WDR11: variants seen among roughly 807,000 people sequenced by gnomAD.
WDR11 encodes the protein WD repeat-containing protein 11.
In WDR11, 83 loss-of-function variants were observed where a neutral mutation model predicts 151.2. That is an observed-to-expected ratio of 0.55 (90% CI 0.46 to 0.66). The LOEUF (loss-of-function observed/expected upper bound fraction) is 0.66, where lower values mean the gene tolerates loss of function less well. Ranked by LOEUF, WDR11 falls within the 30% of genes least tolerant of loss-of-function variation. The pLI is 0.00. For missense variants in WDR11, 1,301 were observed against 1,480.9 expected (o/e 0.88, Z 1.99); for synonymous variants, 484 against 533.1 (o/e 0.91, Z 1.27).
Position 120,908,669 on chromosome 10 carries a change from T to C in WDR11, c.3631T>C (p.Leu1211=), listed in dbSNP as rs34567350. ...SKAGAAGKDL[L]NELESPKEEP... is the part of the protein sequence containing the mutation. Reference sequence around the variant, plus strand: ...AGCCGGAGCAGCTGGCAAAGACTTATTGAATGAGCTTGAGTCCCCCAAGGA... The same window carrying C: ...AGCCGGAGCAGCTGGCAAAGACTTACTGAATGAGCTTGAGTCCCCCAAGGA... The change falls in exon 29 of 29, where the codon TTG becomes CTG. Residue 1211 remains leucine (L), a synonymous_variant. Transcript: ENST00000263461. The C allele has an allele frequency of 2.6e-3, 4,117 of 1,614,194 alleles. 69 individuals carry two copies. In the African/African-American group the frequency reaches 0.04, roughly 16 times the overall value.
At chr10:120,897,182 A>G (rs906985360) in intron 19 of WDR11, among the ~76,000 whole-genome samples, 5 of 152,170 alleles carry the variant, frequency 3.3e-5, no homozygotes, top group Admixed American at 6.5e-5. Context: ...CCCTCACTCC[A>G]TAGTAATAGT....
intron 10 of WDR11, among the ~76,000 whole-genome samples, chr10:120,871,657 T>G (rs970049746): frequency 3.9e-5 from 6 of 152,198 alleles, no homozygotes; most frequent in Non-Finnish European, 7.3e-5. Context: ...CCAGGCTCCT[T>G]GTCTGTAATT....
intron 1 of WDR11, chr10:120,852,304 A>G: frequency 3.9e-6 from 2 of 515,138 alleles, no homozygotes; most frequent in Non-Finnish European, 7.0e-6. Context: ...TATCTTTTAG[A>G]ACTTTTTTTA....
intron 2 of WDR11, 95 bp downstream of exon 2, chr10:120,852,730 T>A: frequency 9.6e-7 from 1 of 1,044,652 alleles, no homozygotes; most frequent in South Asian, 1.4e-5. Context: ...CGTGTAAGTG[T>A]TGAATAGCTT....
intron 19 of WDR11, among the ~76,000 whole-genome samples, chr10:120,893,744 G>T (rs888063060): frequency 2.6e-5 from 4 of 151,924 alleles, no homozygotes; most frequent in Admixed American, 6.6e-5. Flanking sequence ...GTGGTTTTGA[G>T]TTGCATTTCT....
At position 120,897,451 on chromosome 10, in the gene WDR11, C is replaced by T. The variant is rs111327135; in HGVS notation, c.2516-2578C>T. Among the ~76,000 whole-genome samples the T allele has an allele frequency of 4.8e-3, 735 of 152,122 alleles. 8 individuals carry two copies. Among genetic ancestry groups the T allele is most frequent in the African/African-American group, 0.017 (695 of 41,486 alleles). ...ATTAATTATACAGTGGAGAAGGTGC[C>T]CTGATAAGAGCTCTGGTGAATACCC... On this transcript the variant is annotated intron_variant, in intron 19 of 28. Transcript: ENST00000263461.
intron 23 of WDR11, 26 bp downstream of exon 23, chr10:120,903,258 T>G: frequency 4.3e-6 from 7 of 1,612,776 alleles, no homozygotes; most frequent in Non-Finnish European, 5.9e-6. Flanking sequence ...CAGCAAAACC[T>G]TTAGAGCTGT....
intron 19 of WDR11, among the ~76,000 whole-genome samples, chr10:120,895,776 A>G (rs1284187118): frequency 6.6e-6 from 1 of 152,206 alleles, no homozygotes; most frequent in Non-Finnish European, 1.5e-5. Context: ...TAAAAAGAGA[A>G]AAATACAAAT....
At chr10:120,889,522 G>A (rs1847346557) in intron 17 of WDR11, 1 of 394,670 alleles carries the variant, frequency 2.5e-6, no homozygotes, top group East Asian at 5.8e-5. Flanking sequence ...TTACAGGCAG[G>A]AGCCAGCACA....
chr10:120,859,590 A>G (rs1447011512), intron 3 of WDR11, among the ~76,000 whole-genome samples: 1 of 152,062 alleles, frequency 6.6e-6, no homozygotes, highest in Non-Finnish European at 1.5e-5. Flanking sequence ...TTTAGACTTA[A>G]GTCCTCCAGT....
intron 27 of WDR11, chr10:120,906,565 T>A (rs1848055710): frequency 7.1e-7 from 1 of 1,417,384 alleles, no homozygotes; most frequent in African/African-American, 1.4e-5. Flanking sequence ...CACAATTTTT[T>A]AAAGTATTAA....
chr10:120,866,050 G>T (rs111262791), intron 7 of WDR11, among the ~76,000 whole-genome samples: 4,010 of 150,400 alleles, frequency 0.027, 66 homozygotes, highest in Middle Eastern at 0.048. Flanking sequence ...AACCTTGTGT[G>T]CCTTTATTAT....
In WDR11 at chr10:120,906,768, T is replaced by C. The variant is rs376500554; in HGVS notation, c.3438-8T>C. 3.1e-6 allele frequency: 5 copies of C among 1,614,070 alleles called. No homozygotes were observed. In the African/African-American group the frequency reaches 5.3e-5, roughly 17 times the overall value. On this transcript the variant is annotated splice_polypyrimidine_tract_variant and splice_region_variant and intron_variant, in intron 27 of 28. Transcript: ENST00000263461. ...AAAGCATAACTCTTGTTTTGTTCTG[T>C]TGAGCAGCATGAGATACTTTGATAG...
At chr10:120,854,438 T>A (rs796387000) in intron 2 of WDR11, among the ~76,000 whole-genome samples, 13 of 152,342 alleles carry the variant, frequency 8.5e-5, no homozygotes, top group African/African-American at 3.1e-4. Context: ...ATTTTGTACT[T>A]TTTGCCTGTT....
Position 120,862,814 on chromosome 10 carries a change from C to A in WDR11, c.606C>A (p.Tyr202Ter). The change falls in exon 5 of 29, where the codon TAC (tyrosine) becomes TAA (stop). Residue 202 changes from tyrosine to a stop codon, truncating the protein, a stop_gained. Coordinates refer to ENST00000263461, the MANE Select transcript of WDR11 (RefSeq NM_018117.12). LOFTEE classifies it high-confidence loss of function. ...KPPSGPGKKV[Y>*]ISSPHSSPAH... ...CCTCAGGCCCTGGGAAAAAAGTTTA[C>A]ATATCCAGCCCACACTCTAGCCCAG... 6.2e-7 allele frequency: 1 copy of A among 1,614,132 alleles called. No individual in the cohort carries two copies. Among genetic ancestry groups the A allele is most frequent in the South Asian group, 1.1e-5 (1 of 91,076 alleles).
intron 13 of WDR11, among the ~76,000 whole-genome samples, chr10:120,881,130 T>C (rs537593138): frequency 6.6e-6 from 1 of 152,216 alleles, no homozygotes; most frequent in African/African-American, 2.4e-5. Context: ...TGAATCGTTA[T>C]TTACTTTCGG....
chr10:120,865,911 T>C (rs1229152724), intron 7 of WDR11, among the ~76,000 whole-genome samples, 167 bp downstream of exon 7: 1 of 152,170 alleles, frequency 6.6e-6, no homozygotes, highest in Non-Finnish European at 1.5e-5. Context: ...CCAAGATTAA[T>C]CTCTTGATGT....
At position 120,908,909 on chromosome 10, in the gene WDR11, T is replaced by C. The variant is rs995619712; in HGVS notation, c.*196T>C. Reference sequence around the variant, plus strand: ...AGTAAGTTTGTATCCTGCGTTGGTCTCAGAAAGAACGTGAATGCTTAAGAT... The same window carrying C: ...AGTAAGTTTGTATCCTGCGTTGGTCCCAGAAAGAACGTGAATGCTTAAGAT... On this transcript the variant is annotated 3_prime_UTR_variant, in exon 29 of 29. Coordinates refer to ENST00000263461, the MANE Select transcript of WDR11 (RefSeq NM_018117.12). The C allele has an allele frequency of 3.0e-5, 19 of 624,840 alleles. No individual in the cohort carries two copies. The African/African-American group carries it at 3.5e-4, about 11-fold the overall frequency. 38.7% of individuals were successfully genotyped at this position (624,840 alleles called of 1,614,324 possible). A position where few individuals can be genotyped will look rare whatever the true frequency, so the allele number is the denominator to read the frequency against.
intron 3 of WDR11, 28 bp from the exon 4 acceptor site, chr10:120,860,081 T>A: frequency 1.9e-6 from 3 of 1,614,020 alleles, no homozygotes; most frequent in Non-Finnish European, 2.5e-6. Flanking sequence ...GTTTCTGAAT[T>A]TTGCCTTTCT....
Sources: gnomAD v4.1 joint callset for allele counts (sites outside exome capture counted in the v4.1 genomes callset) on GRCh38, gnomAD v4.1.1 for gene constraint, MANE v1.5 for transcripts, NCBI Gene and HGNC (gene_info 2026-07-23, HGNC 2026-07-21) for gene names.